The following MYLK variants were observed in gnomAD, a reference collection of about 807,000 sequenced individuals.
The protein encoded by MYLK is myosin light chain kinase.
MYLK carries 106 observed loss-of-function variants against 203.4 expected under a neutral mutation model. The observed-to-expected ratio is 0.52, with a 90% CI of 0.45 to 0.61. The LOEUF (loss-of-function observed/expected upper bound fraction) is 0.61. MYLK is among the 20% of genes least tolerant of loss of function. The probability of loss-of-function intolerance (pLI) is 0.00; values close to 1 mark genes in which losing one functional copy is unlikely to be tolerated. For missense variants in MYLK, 2,072 were observed against 2,442.3 expected, an observed-to-expected ratio of 0.85 and a Z score of 3.20; for synonymous variants, 867 against 959.5, an observed-to-expected ratio of 0.90 and a Z score of 1.78.
At chr3:123,658,434 G>C (rs377272632) in intron 23 of MYLK, among the ~76,000 whole-genome samples, 2 of 152,148 alleles carry the variant, frequency 1.3e-5, no homozygotes, top group African/African-American at 4.8e-5. Context: ...TTGCTTATCT[G>C]AGCAAAACTC....
chr3:123,677,533 C>T (rs2060109164), intron 20 of MYLK, among the ~76,000 whole-genome samples: 1 of 152,054 alleles, frequency 6.6e-6, no homozygotes, highest in Non-Finnish European at 1.5e-5. Context: ...TGTTTCTCCC[C>T]TGGGCCTGTG....
At chr3:123,794,346 G>C (rs1329348324) in intron 3 of MYLK, among the ~76,000 whole-genome samples, 1 of 152,140 alleles carries the variant, frequency 6.6e-6, no homozygotes, top group Non-Finnish European at 1.5e-5. Flanking sequence ...AGGTAGTTTG[G>C]GGTTAATATG....
intron 1 of MYLK, among the ~76,000 whole-genome samples, chr3:123,883,020 T>G (rs564152579): frequency 6.6e-6 from 1 of 152,362 alleles, no homozygotes; most frequent in South Asian, 2.1e-4. Context: ...CCCAGAGACT[T>G]GCATTGTTGA....
intron 5 of MYLK, among the ~76,000 whole-genome samples, chr3:123,750,981 C>A (rs921177554): frequency 6.6e-6 from 1 of 152,158 alleles, no homozygotes; most frequent in African/African-American, 2.4e-5. Context: ...TGTGGGGAGA[C>A]AGGGAAAACA....
chr3:123,726,252 T>C (rs559162397), intron 11 of MYLK, among the ~76,000 whole-genome samples, 174 bp from the exon 12 acceptor site: 103 of 152,294 alleles, frequency 6.8e-4, no homozygotes, highest in African/African-American at 2.2e-3. Flanking sequence ...ACCAGTGATG[T>C]AGGGACATGG....
intron 4 of MYLK, among the ~76,000 whole-genome samples, chr3:123,763,737 TC>T (rs2063611174): frequency 6.6e-6 from 1 of 152,198 alleles, no homozygotes; most frequent in African/African-American, 2.4e-5. Context: ...ACTTTTAGAA[TC>T]TTCTTTTCAT....
Position 123,739,018 on chromosome 3 carries a change from C to T in MYLK, c.467G>A (p.Trp156Ter), listed in dbSNP as rs146339915. The T allele has an allele frequency of 1.2e-6, 2 of 1,613,922 alleles. No homozygotes were observed. Among genetic ancestry groups the T allele is most frequent in the Non-Finnish European group, 1.7e-6 (2 of 1,179,986 alleles). The change falls in exon 7 of 34, where the codon TGG becomes TAG. Residue 156 changes from tryptophan (W) to a stop codon, truncating the protein, a stop_gained. Coordinates refer to ENST00000360304, the MANE Select transcript of MYLK (RefSeq NM_053025.4). LOFTEE classifies it high-confidence loss of function. ...AGCAAACTTTGGTGGGCACTCCCCC[C>T]AGATGCTAGGACGGGTCTCCACTGC... is the stretch of plus-strand genomic sequence containing the variant. Reference protein sequence around the residue: ...APAVETRPSIWGECPPKFATK... With the variant: ...APAVETRPSI
At chr3:123,695,081 T>C (rs1310959773) in intron 18 of MYLK, among the ~76,000 whole-genome samples, 1 of 152,176 alleles carries the variant, frequency 6.6e-6, no homozygotes, top group Non-Finnish European at 1.5e-5. Context: ...TCTCCTTTTC[T>C]GAGTTGGGGG....
At chr3:123,781,140 G>T (rs1305038994) in intron 4 of MYLK, among the ~76,000 whole-genome samples, 1 of 152,250 alleles carries the variant, frequency 6.6e-6, no homozygotes, top group Admixed American at 6.5e-5. Context: ...CTGGTCTGGG[G>T]AACTAGCCCC....
chr3:123,735,542 T>A (rs1408828573), intron 8 of MYLK, 126 bp from the exon 9 acceptor site: 1 of 1,050,642 alleles, frequency 9.5e-7, no homozygotes, highest in South Asian at 1.3e-5. Flanking sequence ...TCCCTGGTGC[T>A]GAACGTCTTT....
chr3:123,881,853 A>G (rs2033566642), intron 1 of MYLK, among the ~76,000 whole-genome samples: 1 of 152,116 alleles, frequency 6.6e-6, no homozygotes, highest in Non-Finnish European at 1.5e-5. Flanking sequence ...CCACCCTTGG[A>G]ACTCAAAGGC....
chr3:123,693,262 C>G (rs1441081163), intron 18 of MYLK, among the ~76,000 whole-genome samples: 2 of 152,166 alleles, frequency 1.3e-5, no homozygotes, highest in South Asian at 2.1e-4. Flanking sequence ...GTGTTAGGAA[C>G]AGTGACAGGT....
chr3:123,739,001 T>C lies in MYLK; in HGVS notation c.484A>G (p.Lys162Glu). Residue 162 changes from lysine to glutamate, a missense_variant, in exon 7 of 34, where the codon AAG (lysine) becomes GAG (glutamate). Coordinates refer to ENST00000360304, the MANE Select transcript of MYLK (RefSeq NM_053025.4). ...ACTCGGCCCAGCTTGGTAGCAAACT[T>C]TGGTGGGCACTCCCCCCAGATGCTA... ...RPSIWGECPPKFATKLGRVVV... is the reference protein window; with the variant it reads ...RPSIWGECPPEFATKLGRVVV... 6.2e-7 allele frequency: 1 copy of C among 1,613,856 alleles called. No homozygotes were observed. Among genetic ancestry groups the C allele is most frequent in the Non-Finnish European group, 8.5e-7 (1 of 1,179,958 alleles).
intron 20 of MYLK, among the ~76,000 whole-genome samples, chr3:123,679,168 G>A (rs1034968237): frequency 1.3e-5 from 2 of 152,072 alleles, no homozygotes; most frequent in Non-Finnish European, 2.9e-5. Flanking sequence ...TTAGTTGGGC[G>A]TGGTGGTGCG....
rs1014410071 is a variant in MYLK at position 123,656,120 on chromosome 3, T to C, written c.4288+1006A>G. Among the ~76,000 whole-genome samples, 5 of 152,108 alleles carry C rather than the reference T, an allele frequency of 3.3e-5. No individual in the cohort carries two copies. In the East Asian group the frequency reaches 5.8e-4, roughly 18 times the overall value. ...GCCCATCTGATATGGCTGACTGCAG[T>C]CTCATCTCCTCTGACCCACCCACCA... On this transcript the variant is annotated intron_variant, in intron 24 of 33. Transcript: ENST00000360304.
Position 123,639,498 on chromosome 3 carries a change from C to A in MYLK, c.4837+789G>T, listed in dbSNP as rs2058758645. Among the ~76,000 whole-genome samples the A allele has an allele frequency of 3.3e-5, 5 of 152,300 alleles. No homozygotes were observed. The South Asian group carries it at 1.0e-3, about 32-fold the overall frequency. ...GGGCTCCTTGCTAGCAGGGCAGTGGCTAAGAAGGGAGGATGAAGCTGTTTC... is the reference window on the plus strand; with the variant it reads ...GGGCTCCTTGCTAGCAGGGCAGTGGATAAGAAGGGAGGATGAAGCTGTTTC... On this transcript the variant is annotated intron_variant, in intron 28 of 33. Coordinates refer to ENST00000360304, the MANE Select transcript of MYLK (RefSeq NM_053025.4).
intron 4 of MYLK, among the ~76,000 whole-genome samples, chr3:123,756,276 C>T (rs1185421983): frequency 1.3e-5 from 2 of 152,180 alleles, no homozygotes; most frequent in Admixed American, 6.5e-5. Flanking sequence ...ATATCTGCTC[C>T]CCACTTTTGG....
chr3:123,881,237 C>T (rs975641984), intron 1 of MYLK, among the ~76,000 whole-genome samples: 5 of 152,128 alleles, frequency 3.3e-5, no homozygotes, highest in Admixed American at 1.3e-4. Context: ...CACTGCTGGA[C>T]GGTTCCTTGA....
chr3:123,669,343 G>A (rs2059835995), intron 20 of MYLK, among the ~76,000 whole-genome samples: 1 of 152,162 alleles, frequency 6.6e-6, no homozygotes, highest in South Asian at 2.1e-4. Context: ...CCTGGGTACT[G>A]AGGAGGAAAC....
Sources: gnomAD v4.1 joint callset for allele counts (sites outside exome capture counted in the v4.1 genomes callset) on GRCh38, gnomAD v4.1.1 for gene constraint, MANE v1.5 for transcripts, NCBI Gene and HGNC (gene_info 2026-07-23, HGNC 2026-07-21) for gene names.